TRPM3: variants seen among roughly 807,000 people sequenced by gnomAD.
TRPM3 encodes the protein long transient receptor potential channel 3.
Under a neutral mutation model 181.2 loss-of-function variants are expected in TRPM3, and 77 were observed. The observed-to-expected ratio is 0.42, with a 90% CI of 0.35 to 0.51. The LOEUF is 0.51. Among genes scored for constraint, TRPM3 ranks in the 20% least tolerant of loss-of-function variants. TRPM3 has a pLI of 0.01. For missense variants in TRPM3, 1,759 were observed against 2,196.7 expected (o/e 0.80, Z 3.98); for synonymous variants, 745 against 796.4 (o/e 0.94, Z 1.09).
chr9:70,940,623 G>T (rs2096876925), intron 1 of TRPM3, among the ~76,000 whole-genome samples: 1 of 152,192 alleles, frequency 6.6e-6, no homozygotes, highest in Non-Finnish European at 1.5e-5. Flanking sequence ...TAGTGTGAAA[G>T]AAATAATCAT....
chr9:70,545,375 GT>G (rs1425739780), intron 25 of TRPM3, among the ~76,000 whole-genome samples: 1 of 152,112 alleles, frequency 6.6e-6, no homozygotes, highest in Non-Finnish European at 1.5e-5. Context: ...ACAATTTAAA[GT>G]GCATACTGAG....
intron 1 of TRPM3, among the ~76,000 whole-genome samples, chr9:71,306,994 A>G (rs1019197342): frequency 1.3e-5 from 2 of 152,356 alleles, no homozygotes; most frequent in South Asian, 2.1e-4. Context: ...TTAACACTTC[A>G]TAGATTACTC....
intron 1 of TRPM3, among the ~76,000 whole-genome samples, chr9:71,248,719 A>G (rs1565382758): frequency 6.6e-6 from 1 of 152,086 alleles, no homozygotes. Flanking sequence ...GACACTTTTA[A>G]CAGAGCCCTG....
At chr9:70,662,950 T>C (rs1351854476) in intron 9 of TRPM3, among the ~76,000 whole-genome samples, 5 of 152,134 alleles carry the variant, frequency 3.3e-5, no homozygotes, top group African/African-American at 1.2e-4. Flanking sequence ...ATATATTTAT[T>C]ACAGCACAAT....
At chr9:71,428,107 T>C (rs531769972) in intron 1 of TRPM3, among the ~76,000 whole-genome samples, 5 of 152,182 alleles carry the variant, frequency 3.3e-5, no homozygotes, top group Admixed American at 2.0e-4. Flanking sequence ...TTGGTTTTTT[T>C]TGAGACAGAG....
intron 1 of TRPM3, among the ~76,000 whole-genome samples, chr9:71,293,238 C>CA (rs1184640482): frequency 6.6e-6 from 1 of 151,496 alleles, no homozygotes; most frequent in Non-Finnish European, 1.5e-5. Context: ...AAATGACACA[C>CA]AGAAAATGCC....
At chr9:70,627,309 G>A (rs765296465) in intron 12 of TRPM3, among the ~76,000 whole-genome samples, 1 of 94,444 alleles carries the variant, frequency 1.1e-5, no homozygotes, top group Non-Finnish European at 1.9e-5. Flanking sequence ...TTTCACTCTT[G>A]TTGCCCAGGC....
chr9:70,574,500 T>A (rs1251287103), intron 22 of TRPM3, among the ~76,000 whole-genome samples: 1 of 152,194 alleles, frequency 6.6e-6, no homozygotes, highest in Non-Finnish European at 1.5e-5. Context: ...CAAATATGTC[T>A]CCTTGTTAGA....
At position 70,536,689 on chromosome 9, in the gene TRPM3, T is replaced by C; in HGVS notation, c.4424A>G (p.Asp1475Gly). The change falls in exon 26 of 26, where the codon GAC becomes GGC. Residue 1475 changes from aspartate (D) to glycine (G), a missense_variant. By Grantham distance (94) the Asp-to-Gly change is moderately conservative (BLOSUM62 -1). Coordinates refer to ENST00000677713, the MANE Select transcript of TRPM3 (RefSeq NM_001366145.2). The stretch of plus-strand genomic sequence containing the variant: ...AGATCTAGTGTCCATGGAGGTGATG[T>C]CCTCAAAATCAATGCTCCGGCTTGG... ...RPPSRSIDFE[D>G]ITSMDTRSFS... 6.2e-7 allele frequency: 1 copy of C among 1,614,012 alleles called. No individual in the cohort carries two copies. The highest frequency in any genetic ancestry group is 2.2e-5 in the East Asian group (1 of 44,864).
At chr9:71,258,370 G>A (rs1395752232) in intron 1 of TRPM3, among the ~76,000 whole-genome samples, 1 of 152,128 alleles carries the variant, frequency 6.6e-6, no homozygotes, top group African/African-American at 2.4e-5. Context: ...TACTTCCTTT[G>A]CACTTGTTCA....
intron 7 of TRPM3, among the ~76,000 whole-genome samples, chr9:70,782,056 C>T (rs1171253531): frequency 6.6e-6 from 1 of 152,156 alleles, no homozygotes; most frequent in Non-Finnish European, 1.5e-5. Context: ...AAATTTGTAT[C>T]TACTTTGTAG....
intron 1 of TRPM3, among the ~76,000 whole-genome samples, chr9:71,314,712 CAAGTA>C (rs1244318998): frequency 2.6e-5 from 4 of 152,082 alleles, no homozygotes; most frequent in African/African-American, 4.8e-5. Context: ...CCAACTAGAA[CAAGTA>C]AAGTCCCATA....
intron 1 of TRPM3, among the ~76,000 whole-genome samples, chr9:71,238,369 T>C (rs976621003): frequency 4.6e-4 from 70 of 152,192 alleles, no homozygotes; most frequent in African/African-American, 1.5e-3. Flanking sequence ...TGATGTCAGA[T>C]AAGTTATCAA....
chr9:71,300,506 A>T (rs1435873548), intron 1 of TRPM3, among the ~76,000 whole-genome samples: 1 of 152,060 alleles, frequency 6.6e-6, no homozygotes, highest in African/African-American at 2.4e-5. Flanking sequence ...AACTTTTGAC[A>T]TTAAACTTTT....
chr9:70,973,743 G>A (rs2097269195), intron 1 of TRPM3, among the ~76,000 whole-genome samples: 1 of 151,914 alleles, frequency 6.6e-6, no homozygotes, highest in African/African-American at 2.4e-5. Context: ...AACTTTCATT[G>A]GAAAGAAATA....
intron 1 of TRPM3, among the ~76,000 whole-genome samples, chr9:71,368,004 G>GAGTGTATGTGTACACACACA (rs1554885293): frequency 2.6e-5 from 1 of 37,826 alleles, no homozygotes; most frequent in East Asian, 1.2e-3. Flanking sequence ...ACACACACAT[G>GAGTGTATGTGTACACACACA]TGAGTGTATG....
intron 6 of TRPM3, among the ~76,000 whole-genome samples, chr9:70,784,580 G>C (rs1205822452): frequency 6.6e-6 from 1 of 152,100 alleles, no homozygotes; most frequent in African/African-American, 2.4e-5. Context: ...GGGAGAAAAA[G>C]GAATTAGTCA....
chr9:71,388,458 G>A (rs754310259), intron 1 of TRPM3, among the ~76,000 whole-genome samples: 11 of 152,054 alleles, frequency 7.2e-5, no homozygotes, highest in Non-Finnish European at 1.0e-4. Context: ...GTGTACATGC[G>A]TGGAATTGGC....
At chr9:71,366,578 T>C (rs956654424) in intron 1 of TRPM3, among the ~76,000 whole-genome samples, 1 of 152,202 alleles carries the variant, frequency 6.6e-6, no homozygotes, top group Admixed American at 6.5e-5. Flanking sequence ...TAATTACCTT[T>C]GTATTTTAAG....
Sources: gnomAD v4.1 joint callset for allele counts (sites outside exome capture counted in the v4.1 genomes callset) on GRCh38, gnomAD v4.1.1 for gene constraint, MANE v1.5 for transcripts, NCBI Gene and HGNC (gene_info 2026-07-23, HGNC 2026-07-21) for gene names.